SOBP: variants seen among roughly 807,000 people sequenced by gnomAD.
SOBP encodes sine oculis binding protein homolog, also known as sine oculis-binding protein homolog.
Under a neutral mutation model 53.6 loss-of-function variants are expected in SOBP, and 4 were observed. The ratio of observed to expected loss-of-function variants is 0.07; its 90% confidence interval spans 0.04 to 0.17. The LOEUF is 0.17. SOBP is among the 10% of genes least tolerant of loss of function. The pLI, the probability that SOBP is intolerant of heterozygous loss-of-function variation, is 1.00. For missense variants in SOBP, 1,088 were observed against 1,204.7 expected, an observed-to-expected ratio of 0.90 and a Z score of 1.43; for synonymous variants, 584 against 522.6, an observed-to-expected ratio of 1.12 and a Z score of -1.60.
chr6:107,537,819 CAAA>C (rs527261424), intron 4 of SOBP, among the ~76,000 whole-genome samples: 14 of 94,652 alleles, frequency 1.5e-4, no homozygotes, highest in Admixed American at 1.1e-4. Context: ...GACCCTATCT[CAAA>C]AAAAAAAAAA....
Position 107,640,679 on chromosome 6 carries a change from G to C in SOBP, c.*3+5210G>C, listed in dbSNP as rs147789465. Among the ~76,000 whole-genome samples the C allele has an allele frequency of 1.8e-4, 28 of 152,308 alleles. 3 individuals carry two copies. Among genetic ancestry groups the C allele is most frequent in the African/African-American group, 6.5e-4 (27 of 41,568 alleles). Reference sequence around the variant, plus strand: ...CTTATGACCAGGGACTTGGAGGGAAGGTTTTAATGTACAAGCATCCAACTT... The same window carrying C: ...CTTATGACCAGGGACTTGGAGGGAACGTTTTAATGTACAAGCATCCAACTT... On this transcript the variant is annotated intron_variant, in intron 6 of 6. Coordinates refer to ENST00000317357, the MANE Select transcript of SOBP (RefSeq NM_018013.4).
chr6:107,570,817 G>A (rs539125539), intron 4 of SOBP, among the ~76,000 whole-genome samples: 1 of 152,344 alleles, frequency 6.6e-6, no homozygotes, highest in African/African-American at 2.4e-5. Flanking sequence ...TTGTAAATAG[G>A]TCCATATCTC....
At chr6:107,513,810 G>A (rs1432129997) in intron 3 of SOBP, 1 of 152,116 alleles carries the variant, frequency 6.6e-6, no homozygotes, top group Non-Finnish European at 1.5e-5. Context: ...AGGAATTAAC[G>A]ATGAATGGCA....
chr6:107,644,068 A>T (rs1299892130), intron 6 of SOBP, among the ~76,000 whole-genome samples: 2 of 152,178 alleles, frequency 1.3e-5, no homozygotes, highest in African/African-American at 4.8e-5. Flanking sequence ...TTGGGAGGCC[A>T]AGGCGGGTGG....
chr6:107,547,123 C>T (rs1784322639), intron 4 of SOBP, among the ~76,000 whole-genome samples: 1 of 152,108 alleles, frequency 6.6e-6, no homozygotes. Flanking sequence ...AGAGAATTAC[C>T]CTCCGCCCAA....
chr6:107,631,095 C>T (rs562766216), intron 5 of SOBP, among the ~76,000 whole-genome samples: 13 of 152,180 alleles, frequency 8.5e-5, no homozygotes, highest in African/African-American at 2.6e-4. Context: ...TTTTTTACTC[C>T]ATTTGAAAAT....
rs1398895785 is a variant in SOBP, at chr6:107,659,148, C to T, written c.*945C>T. 1 of 152,538 alleles carries T rather than the reference C, an allele frequency of 6.6e-6. No homozygotes were observed. The highest frequency in any genetic ancestry group is 2.4e-5 in the African/African-American group (1 of 41,416). The allele number at this position is 152,538 out of a possible 1,614,324, so 9.4% of individuals were successfully genotyped here. On this transcript the variant is annotated 3_prime_UTR_variant, in exon 7 of 7. Coordinates refer to ENST00000317357, the MANE Select transcript of SOBP (RefSeq NM_018013.4). ...ATGAAATTTCAACCCTGATGGTTTT[C>T]GGTGATCCAGGAAGTCAGTGAGACA...
intron 6 of SOBP, among the ~76,000 whole-genome samples, chr6:107,647,037 G>A (rs555818072): frequency 6.6e-6 from 1 of 152,340 alleles, no homozygotes; most frequent in East Asian, 1.9e-4. Context: ...ATTGCCTAAG[G>A]ACAGAGCTTG....
intron 5 of SOBP, among the ~76,000 whole-genome samples, chr6:107,630,746 CTCTG>C (rs1236584477): frequency 1.0e-4 from 1 of 9,818 alleles, no homozygotes; most frequent in Non-Finnish European, 5.5e-4. Context: ...CACACACACA[CTCTG>C]TCTCTCTCTC....
chr6:107,530,553 T>A (rs973061624), intron 3 of SOBP, among the ~76,000 whole-genome samples: 4 of 152,024 alleles, frequency 2.6e-5, no homozygotes, highest in Non-Finnish European at 5.9e-5. Context: ...ATAAAAGACT[T>A]TTATAAATCT....
intron 5 of SOBP, among the ~76,000 whole-genome samples, chr6:107,617,250 C>T (rs192877626): frequency 5.0e-4 from 76 of 152,258 alleles, no homozygotes; most frequent in African/African-American, 1.8e-3. Context: ...TTTCTAACCC[C>T]GCTTCTAAAG....
At chr6:107,578,260 G>A (rs1396305733) in intron 4 of SOBP, among the ~76,000 whole-genome samples, 1 of 144,402 alleles carries the variant, frequency 6.9e-6, no homozygotes, top group Non-Finnish European at 1.5e-5. Context: ...CCCCCATTCT[G>A]TTATATTTGT....
intron 5 of SOBP, among the ~76,000 whole-genome samples, chr6:107,592,843 G>A (rs73762272): frequency 0.013 from 2,011 of 152,120 alleles, 43 homozygotes; most frequent in African/African-American, 0.045. Flanking sequence ...CTGTATTCCC[G>A]TAGTTTCCTA....
intron 4 of SOBP, among the ~76,000 whole-genome samples, chr6:107,559,021 A>G (rs889603983): frequency 1.3e-5 from 2 of 152,178 alleles, no homozygotes; most frequent in African/African-American, 4.8e-5. Flanking sequence ...GTTTACCACT[A>G]CATCTCCAGT....
chr6:107,621,276 G>A (rs569168448), intron 5 of SOBP: 5 of 182,462 alleles, frequency 2.7e-5, no homozygotes, highest in Non-Finnish European at 4.2e-5. Flanking sequence ...TCAGTTGGGC[G>A]AACCCAGGAT....
intron 5 of SOBP, among the ~76,000 whole-genome samples, chr6:107,607,753 A>G (rs986397154): frequency 6.6e-6 from 1 of 152,220 alleles, no homozygotes; most frequent in Non-Finnish European, 1.5e-5. Flanking sequence ...TTGGGGGTAT[A>G]ACATTGTTTT....
At chr6:107,609,704 C>T (rs1430930297) in intron 5 of SOBP, among the ~76,000 whole-genome samples, 2 of 152,070 alleles carry the variant, frequency 1.3e-5, no homozygotes, top group Non-Finnish European at 2.9e-5. Flanking sequence ...CTCCGTTATG[C>T]ATAAGGAGTC....
rs577770555 is a variant in SOBP at position 107,584,564 on chromosome 6, T to C, written c.574-2516T>C. Reference sequence around the variant, plus strand: ...AATTTCTTGGACTCTGGAGTCAGGGTGGGTGTTAGAGGACAGGCCATTCCC... The same window carrying C: ...AATTTCTTGGACTCTGGAGTCAGGGCGGGTGTTAGAGGACAGGCCATTCCC... On this transcript the variant is annotated intron_variant, in intron 4 of 6. Transcript: ENST00000317357. Among the ~76,000 whole-genome samples, 7 of 152,222 alleles carry C rather than the reference T, an allele frequency of 4.6e-5. No individual in the cohort carries two copies. The South Asian group carries it at 1.5e-3, about 32-fold the overall frequency.
chr6:107,499,522 A>G (rs1193872634), intron 1 of SOBP, among the ~76,000 whole-genome samples: 1 of 152,240 alleles, frequency 6.6e-6, no homozygotes, highest in African/African-American at 2.4e-5. Flanking sequence ...GGCAAGAAGC[A>G]GTCTGCAAAA....
Sources: gnomAD v4.1 joint callset for allele counts (sites outside exome capture counted in the v4.1 genomes callset) on GRCh38, gnomAD v4.1.1 for gene constraint, MANE v1.5 for transcripts, NCBI Gene and HGNC (gene_info 2026-07-23, HGNC 2026-07-21) for gene names.